Variants in ATP10D observed in about 807,000 individuals in gnomAD.
ATP10D encodes the protein phospholipid-transporting ATPase VD.
Under a neutral mutation model 144.8 loss-of-function variants are expected in ATP10D, and 89 were observed. The ratio of observed to expected loss-of-function variants is 0.61; its 90% CI spans 0.52 to 0.73. The LOEUF (loss-of-function observed/expected upper bound fraction) is 0.73, where lower values mean the gene tolerates loss of function less well. ATP10D is among the 30% of genes least tolerant of loss of function. The probability of loss-of-function intolerance (pLI) is 0.00; values close to 1 mark genes in which losing one functional copy is unlikely to be tolerated. For synonymous variants in ATP10D, 571 were observed against 615.1 expected (o/e 0.93, Z 1.06); for missense variants, 1,603 against 1,714.8 (o/e 0.93, Z 1.15).
At chr4:47,522,921 A>T in intron 3 of ATP10D, 91 bp from the exon 4 acceptor site, 2 of 1,088,320 alleles carry the variant, frequency 1.8e-6, no homozygotes, top group Non-Finnish European at 2.6e-6. Context: ...TATATACTTT[A>T]AATTATACGC....
chr4:47,487,498 A>T (rs944680704), intron 1 of ATP10D, among the ~76,000 whole-genome samples: 1 of 152,232 alleles, frequency 6.6e-6, no homozygotes, highest in African/African-American at 2.4e-5. Flanking sequence ...TACAAGTAAG[A>T]TTGTCTGAGA....
At chr4:47,502,858 TAAAC>T (rs1212112725) in intron 1 of ATP10D, among the ~76,000 whole-genome samples, 1 of 152,112 alleles carries the variant, frequency 6.6e-6, no homozygotes, top group Non-Finnish European at 1.5e-5. Context: ...TCTTTCAAAA[TAAAC>T]ATGTCATATG....
intron 5 of ATP10D, among the ~76,000 whole-genome samples, chr4:47,530,446 TTTTG>T (rs143705446): frequency 0.3 from 46,097 of 151,304 alleles, 7,456 homozygotes; most frequent in African/African-American, 0.39. Flanking sequence ...TTGTTGTTCT[TTTTG>T]TTTGTTTGTT....
At chr4:47,568,748 G>T in intron 15 of ATP10D, 89 bp from the exon 16 acceptor site, 1 of 1,116,952 alleles carries the variant, frequency 9.0e-7, no homozygotes, top group South Asian at 1.5e-5. Context: ...TCTTGATTCA[G>T]CAATTGCTAA....
At position 47,528,513 on chromosome 4, in the gene ATP10D, G is replaced by GTA. The variant is rs796644378; in HGVS notation, c.776+2886_776+2887dup. ...TGTGTGTGTGTGTGTGTGTGTGTGT[G>GTA]TATATATATATATATACACACCACA... is the stretch of plus-strand genomic sequence containing the variant. On this transcript the variant is annotated intron_variant, in intron 5 of 22. Transcript: ENST00000273859. Among the ~76,000 whole-genome samples the GTA allele has an allele frequency of 6.0e-4, 56 of 93,312 alleles. 2 individuals carry two copies. The highest frequency in any genetic ancestry group is 1.2e-3 in the South Asian group (3 of 2,492). 61.2% of individuals were successfully genotyped at this position (93,312 alleles called of 152,430 possible).
Position 47,591,330 on chromosome 4 carries a change from T to C in ATP10D, c.4230T>C (p.Ser1410=), listed in dbSNP as rs751649556. 3 of 1,613,018 alleles carry C rather than the reference T, an allele frequency of 1.9e-6. No homozygotes were observed. The highest frequency in any genetic ancestry group is 1.1e-5 in the South Asian group (1 of 91,014). ...LCETALDQGY[S]ETKAFEMAGP... is the part of the protein sequence containing the mutation. ...AAACTGCTTTAGATCAAGGCTACTC[T>C]GAAACTAAGGCCTTTGAGATGGCTG... is the stretch of plus-strand genomic sequence containing the variant. The change falls in exon 23 of 23, where the codon TCT becomes TCC. Residue 1410 remains serine, a synonymous_variant. Transcript: ENST00000273859.
chr4:47,576,833 A>G lies in ATP10D; in HGVS notation c.3427A>G (p.Thr1143Ala). The change falls in exon 19 of 23, where the codon ACT becomes GCT. Residue 1143 changes from threonine to alanine, a missense_variant. Thr to Ala is a moderately conservative substitution (Grantham distance 58, BLOSUM62 0). Transcript: ENST00000273859. Reference sequence around the variant, plus strand: ...TTGTGGATTTTCAGGAACATCCATGACTGATTACTGGGTTTTGATCTTCTT... The same window carrying G: ...TTGTGGATTTTCAGGAACATCCATGGCTGATTACTGGGTTTTGATCTTCTT... ...FFCGFSGTSM[T>A]DYWVLIFFNL... 6.2e-7 allele frequency: 1 copy of G among 1,614,128 alleles called. No individual in the cohort carries two copies. Among genetic ancestry groups the G allele is most frequent in the South Asian group, 1.1e-5 (1 of 91,090 alleles).
intron 9 of ATP10D, among the ~76,000 whole-genome samples, chr4:47,543,237 T>C (rs1718249440): frequency 6.6e-6 from 1 of 152,220 alleles, no homozygotes; most frequent in African/African-American, 2.4e-5. Flanking sequence ...TGAATAAACA[T>C]AGTATATTTA....
Position 47,591,088 on chromosome 4 carries a change from C to G in ATP10D, c.3988C>G (p.Leu1330Val). Residue 1330 changes from leucine to valine, a missense_variant, in exon 23 of 23, where the codon CTG (leucine) becomes GTG (valine). Leu to Val is a conservative substitution (Grantham distance 32). Transcript: ENST00000273859. ...LQGSLFPSPI[L>V]RAKHFDRLTP... ...GGGATCCCTGTTTCCATCTCCAATT[C>G]TGAGAGCTAAGCACTTTGACAGACT... 1 of 1,612,100 alleles carries G rather than the reference C, an allele frequency of 6.2e-7. No homozygotes were observed. Among genetic ancestry groups the G allele is most frequent in the South Asian group, 1.1e-5 (1 of 90,934 alleles).
At chr4:47,540,296 A>T (rs1217797695) in intron 9 of ATP10D, among the ~76,000 whole-genome samples, 1 of 152,146 alleles carries the variant, frequency 6.6e-6, no homozygotes, top group East Asian at 1.9e-4. Context: ...AACCTCTCAC[A>T]CATGGAATTG....
At chr4:47,591,008 G>T (rs757255847) in intron 22 of ATP10D, 34 bp from the exon 23 acceptor site, 24 of 1,309,708 alleles carry the variant, frequency 1.8e-5, no homozygotes, top group South Asian at 4.4e-5. Context: ...CATTTGAGAT[G>T]AATTTAATTC....
At chr4:47,552,551 C>G (rs988376119) in intron 10 of ATP10D, among the ~76,000 whole-genome samples, 2 of 152,136 alleles carry the variant, frequency 1.3e-5, no homozygotes, top group African/African-American at 4.8e-5. Flanking sequence ...CCCTCTTAAC[C>G]TAATTATCCC....
chr4:47,553,673 T>TAG (rs1315773885), intron 10 of ATP10D, among the ~76,000 whole-genome samples: 5 of 152,224 alleles, frequency 3.3e-5, no homozygotes, highest in African/African-American at 9.6e-5. Flanking sequence ...GACCTCCAGT[T>TAG]AGTATGCAGT....
chr4:47,500,443 T>G (rs540375125), intron 1 of ATP10D, among the ~76,000 whole-genome samples: 5 of 152,336 alleles, frequency 3.3e-5, no homozygotes, highest in Admixed American at 3.3e-4. Context: ...CTGATAATGG[T>G]GGATCAGGTT....
At chr4:47,486,478 A>T (rs1714763543) in intron 1 of ATP10D, among the ~76,000 whole-genome samples, 1 of 152,238 alleles carries the variant, frequency 6.6e-6, no homozygotes, top group Non-Finnish European at 1.5e-5. Context: ...CTCATCCACC[A>T]ATATTTACTT....
intron 5 of ATP10D, among the ~76,000 whole-genome samples, chr4:47,534,006 T>C (rs890977013): frequency 3.3e-5 from 5 of 152,168 alleles, no homozygotes; most frequent in Admixed American, 1.3e-4. Context: ...TCTACAATTG[T>C]CTGAAAAATG....
chr4:47,512,994 AC>A (rs898318376), intron 2 of ATP10D, 164 bp downstream of exon 2: 2 of 661,956 alleles, frequency 3.0e-6, no homozygotes, highest in African/African-American at 3.6e-5. Context: ...CCTCCCATTC[AC>A]GTAGCACTTT....
At chr4:47,586,712 A>G (rs1385578671) in intron 21 of ATP10D, among the ~76,000 whole-genome samples, 1 of 152,204 alleles carries the variant, frequency 6.6e-6, no homozygotes, top group Non-Finnish European at 1.5e-5. Flanking sequence ...ATGAGTGACT[A>G]CATGAAAAAA....
In ATP10D at chr4:47,512,557, A is replaced by G. The variant is rs199628718; in HGVS notation, c.17A>G (p.Gln6Arg). Residue 6 changes from glutamine to arginine, a missense_variant, in exon 2 of 23, where the codon CAA (glutamine) becomes CGA (arginine). Gln to Arg is a conservative substitution (Grantham distance 43). Coordinates refer to ENST00000273859, the MANE Select transcript of ATP10D (RefSeq NM_020453.4). MTEAL[Q>R]WARYHWRRLI... is the part of the protein sequence containing the mutation. ...AGTTTGGATATGACTGAGGCTCTCC[A>G]ATGGGCCAGATATCACTGGCGACGG... 2.5e-6 allele frequency: 4 copies of G among 1,613,566 alleles called. No individual in the cohort carries two copies. The highest frequency in any genetic ancestry group is 3.4e-6 in the Non-Finnish European group (4 of 1,179,658).
Sources: allele counts gnomAD v4.1 joint callset (sites outside exome capture counted in the v4.1 genomes callset), GRCh38; gene constraint gnomAD v4.1.1; transcripts MANE v1.5; gene names NCBI Gene and HGNC (gene_info 2026-07-23, HGNC 2026-07-21).